The following PLIN3 variants were observed in gnomAD, a reference collection of about 807,000 sequenced individuals.
PLIN3 encodes the protein perilipin 3.
In PLIN3, 30 loss-of-function variants were observed where a neutral mutation model predicts 35.9. The ratio of observed to expected loss-of-function variants is 0.84; its 90% CI spans 0.62 to 1.13. The LOEUF (loss-of-function observed/expected upper bound fraction) is 1.13. PLIN3 is among the 50% of genes most tolerant of loss of function. The probability of loss-of-function intolerance (pLI) is 0.00; values close to 1 mark genes in which losing one functional copy is unlikely to be tolerated. For synonymous variants in PLIN3, 261 were observed against 262.5 expected, an observed-to-expected ratio of 0.99 and a Z score of 0.06; for missense variants, 603 against 596.9, an observed-to-expected ratio of 1.01 and a Z score of -0.11.
At chr19:4,862,617 C>G (rs77936050) in intron 1 of PLIN3, among the ~76,000 whole-genome samples, 17,402 of 152,170 alleles carry the variant, frequency 0.11, 1,204 homozygotes, top group East Asian at 0.3. Context: ...CGTCAGGAAG[C>G]AAGGCTTGGG....
rs181959923 is a variant in PLIN3 at position 4,854,153 on chromosome 19, G to A, written c.349-1852C>T. Reference sequence around the variant, plus strand: ...TCTCCATGTTGCCCAGGCTGGTTTCGAACTCCTGGCCTCAAGCAGTCCTCC... The same window carrying A: ...TCTCCATGTTGCCCAGGCTGGTTTCAAACTCCTGGCCTCAAGCAGTCCTCC... On this transcript the variant is annotated intron_variant, in intron 4 of 7. Transcript: ENST00000221957. Among the ~76,000 whole-genome samples, 490 of 151,838 alleles carry A rather than the reference G, an allele frequency of 3.2e-3. 7 individuals carry two copies. In the South Asian group the frequency reaches 0.034, roughly 10 times the overall value.
chr19:4,842,943 G>A lies in PLIN3; in HGVS notation c.960+1725C>T, dbSNP rs563933864. Reference sequence around the variant, plus strand: ...GTTTTTAAAAAATCGATCTGGGTCCGGGCACGGTGGCTCACGCCTGTAATA... The same window carrying A: ...GTTTTTAAAAAATCGATCTGGGTCCAGGCACGGTGGCTCACGCCTGTAATA... On this transcript the variant is annotated intron_variant, in intron 7 of 7. Coordinates refer to ENST00000221957, the MANE Select transcript of PLIN3 (RefSeq NM_005817.5). Among the ~76,000 whole-genome samples the A allele has an allele frequency of 1.7e-4, 26 of 152,240 alleles. 1 individual carries two copies. In the East Asian group the frequency reaches 3.9e-3, roughly 23 times the overall value.
chr19:4,860,381 T>G (rs956340145), intron 2 of PLIN3, among the ~76,000 whole-genome samples: 2 of 151,882 alleles, frequency 1.3e-5, no homozygotes, highest in South Asian at 2.1e-4. Context: ...TTTTTTGTAT[T>G]TTTAGTAGAG....
chr19:4,850,587 A>ATT (rs71170860), intron 5 of PLIN3, among the ~76,000 whole-genome samples: 1,341 of 124,404 alleles, frequency 0.011, 44 homozygotes, highest in African/African-American at 0.04. Flanking sequence ...CGCCCGGCTA[A>ATT]TTTTTTTTTT....
chr19:4,849,950 C>T (rs2030231206), intron 5 of PLIN3, among the ~76,000 whole-genome samples: 1 of 150,122 alleles, frequency 6.7e-6, no homozygotes, highest in African/African-American at 2.5e-5. Context: ...CACACCTGGC[C>T]TTTATTTTTT....
At chr19:4,847,632 G>T (rs1167960198) in intron 6 of PLIN3, 59 bp downstream of exon 6, 10 of 1,404,106 alleles carry the variant, frequency 7.1e-6, no homozygotes, top group Non-Finnish European at 9.8e-6. Flanking sequence ...AGCTCTGGGT[G>T]GGTGTCTGCT....
At chr19:4,839,965 C>CTTT (rs1212445249) in intron 7 of PLIN3, among the ~76,000 whole-genome samples, 5 of 124,412 alleles carry the variant, frequency 4.0e-5, no homozygotes, top group African/African-American at 6.3e-5. Context: ...GTGCCCGGCC[C>CTTT]TTTTTTTTTT....
chr19:4,848,508 C>A (rs906017700), intron 5 of PLIN3, among the ~76,000 whole-genome samples: 3 of 152,218 alleles, frequency 2.0e-5, no homozygotes, highest in Non-Finnish European at 2.9e-5. Context: ...ATTATGCAGT[C>A]CTGCAGAGAA....
intron 4 of PLIN3, 49 bp downstream of exon 4, chr19:4,859,541 C>T (rs762072095): frequency 6.6e-7 from 1 of 1,508,448 alleles, no homozygotes; most frequent in Middle Eastern, 1.8e-4. Context: ...CACTCCACAC[C>T]CAGGTAGGTC....
intron 7 of PLIN3, among the ~76,000 whole-genome samples, chr19:4,841,502 T>C (rs554033960): frequency 6.6e-6 from 1 of 151,468 alleles, no homozygotes; most frequent in East Asian, 1.9e-4. Context: ...TTTAGGGGCA[T>C]GAGATGAGAT....
intron 1 of PLIN3, among the ~76,000 whole-genome samples, chr19:4,862,095 C>T (rs113836235): frequency 0.11 from 16,014 of 151,378 alleles, 1,081 homozygotes; most frequent in East Asian, 0.3. Context: ...CACACCACCA[C>T]GCCTACTTAA....
At chr19:4,848,270 C>T (rs2030174694) in intron 5 of PLIN3, among the ~76,000 whole-genome samples, 1 of 152,202 alleles carries the variant, frequency 6.6e-6, no homozygotes, top group South Asian at 2.1e-4. Context: ...AGGCGTGAGC[C>T]ACCACACCTG....
At chr19:4,865,222 C>G (rs1568382814) in intron 1 of PLIN3, among the ~76,000 whole-genome samples, 1 of 151,456 alleles carries the variant, frequency 6.6e-6, no homozygotes, top group Non-Finnish European at 1.5e-5. Context: ...GGCATGGTAG[C>G]TCACGCCTGT....
chr19:4,848,504 C>T (rs910852813), intron 5 of PLIN3, among the ~76,000 whole-genome samples: 10 of 152,234 alleles, frequency 6.6e-5, no homozygotes, highest in African/African-American at 2.2e-4. Context: ...GTTCATTATG[C>T]AGTCCTGCAG....
chr19:4,839,601 G>A, intron 7 of PLIN3, 65 bp from the exon 8 acceptor site: 4 of 1,288,460 alleles, frequency 3.1e-6, no homozygotes, highest in Non-Finnish European at 3.1e-6. Context: ...CGGAGCTGAA[G>A]CCAGGGAAAG....
intron 7 of PLIN3, among the ~76,000 whole-genome samples, chr19:4,843,050 G>A (rs527899130): frequency 1.3e-5 from 2 of 151,066 alleles, no homozygotes; most frequent in Non-Finnish European, 1.5e-5. Context: ...GCGAAACCCC[G>A]TGTCTACTAA....
At chr19:4,856,549 A>G (rs975392027) in intron 4 of PLIN3, among the ~76,000 whole-genome samples, 10 of 151,046 alleles carry the variant, frequency 6.6e-5, no homozygotes, top group African/African-American at 1.9e-4. Flanking sequence ...CAAGAGCAAC[A>G]CTCTGTCTCA....
At chr19:4,845,225 A>G (rs1203118207) in intron 6 of PLIN3, among the ~76,000 whole-genome samples, 2 of 152,066 alleles carry the variant, frequency 1.3e-5, no homozygotes, top group Non-Finnish European at 2.9e-5. Flanking sequence ...CAGGAGTTCG[A>G]GACCAGCCTA....
chr19:4,858,874 G>T (rs2030570500), intron 4 of PLIN3, among the ~76,000 whole-genome samples: 1 of 151,188 alleles, frequency 6.6e-6, no homozygotes, highest in Admixed American at 6.6e-5. Flanking sequence ...GATAAATTTT[G>T]TATTTTTAGT....
Sources: allele counts gnomAD v4.1 joint callset (sites outside exome capture counted in the v4.1 genomes callset), GRCh38; gene constraint gnomAD v4.1.1; transcripts MANE v1.5; gene names NCBI Gene and HGNC (gene_info 2026-07-23, HGNC 2026-07-21).